The following KALRN variants were observed in gnomAD, a reference collection of about 807,000 sequenced individuals.
The protein encoded by KALRN is kalirin RhoGEF kinase, also known as kalirin.
Under a neutral mutation model 353.7 loss-of-function variants are expected in KALRN, and 70 were observed. That is an observed-to-expected ratio of 0.20 (90% CI 0.16 to 0.24). The LOEUF is 0.24. KALRN is among the 10% of genes least tolerant of loss of function. The pLI is 1.00. For synonymous variants in KALRN, 1,391 were observed against 1,434.8 expected (o/e 0.97, Z 0.69); for missense variants, 2,791 against 3,756.7 (o/e 0.74, Z 6.72).
intron 33 of KALRN, among the ~76,000 whole-genome samples, chr3:124,547,879 A>G (rs2069918230): frequency 6.6e-6 from 1 of 151,870 alleles, no homozygotes; most frequent in Non-Finnish European, 1.5e-5. Flanking sequence ...CTCCATAGCT[A>G]AGAGCTCATT....
At chr3:124,666,966 TA>T (rs774162359) in intron 46 of KALRN, 45 bp from the exon 47 acceptor site, 20 of 1,553,650 alleles carry the variant, frequency 1.3e-5, no homozygotes, top group South Asian at 8.4e-5. Flanking sequence ...TGCTGATTTT[TA>T]AAAAATCTTT....
chr3:124,689,172 A>G (rs2061695993), intron 51 of KALRN, among the ~76,000 whole-genome samples: 1 of 152,148 alleles, frequency 6.6e-6, no homozygotes, highest in Non-Finnish European at 1.5e-5. Flanking sequence ...GAACAATGTC[A>G]TCTTTCCTCC....
chr3:124,516,932 C>G (rs2066654949), intron 33 of KALRN, among the ~76,000 whole-genome samples: 2 of 152,140 alleles, frequency 1.3e-5, no homozygotes, highest in Admixed American at 1.3e-4. Context: ...ATTCTCCTGC[C>G]TCAGCCTCCC....
intron 51 of KALRN, among the ~76,000 whole-genome samples, chr3:124,693,241 C>G (rs1017520121): frequency 4.1e-5 from 6 of 146,710 alleles, no homozygotes; most frequent in Admixed American, 2.1e-4. Context: ...CTCTTATTCC[C>G]CTTCATCCAG....
At chr3:124,568,951 T>A (rs1183388442) in intron 34 of KALRN, among the ~76,000 whole-genome samples, 1 of 152,206 alleles carries the variant, frequency 6.6e-6, no homozygotes, top group Non-Finnish European at 1.5e-5. Context: ...TTAATGCCAC[T>A]GAACTGTACA....
intron 16 of KALRN, 55 bp from the exon 17 acceptor site, chr3:124,434,252 C>A: frequency 7.0e-7 from 1 of 1,426,350 alleles, no homozygotes; most frequent in Non-Finnish European, 9.8e-7. Context: ...CCACCCCCTC[C>A]CATACCACGC....
intron 1 of KALRN, among the ~76,000 whole-genome samples, chr3:124,144,621 TCC>T: frequency 6.6e-6 from 1 of 151,272 alleles, no homozygotes; most frequent in Non-Finnish European, 1.5e-5. Flanking sequence ...TTCCTCATCC[TCC>T]TCCTCTTCCT....
chr3:124,451,868 A>G (rs2058820381), intron 21 of KALRN, among the ~76,000 whole-genome samples: 1 of 152,184 alleles, frequency 6.6e-6, no homozygotes, highest in Non-Finnish European at 1.5e-5. Flanking sequence ...TCTATACCAC[A>G]GCTTCCTTTT....
chr3:124,675,428 G>A (rs1190168245), intron 49 of KALRN: 1 of 151,088 alleles, frequency 6.6e-6, no homozygotes, highest in Non-Finnish European at 1.5e-5. Flanking sequence ...TTTTAATGAA[G>A]TTAAAGACTA....
At position 124,697,669 on chromosome 3, in the gene KALRN, C is replaced by T. The variant is rs745778157; in HGVS notation, c.7776C>T (p.Pro2592=). The T allele has an allele frequency of 6.9e-6, 11 of 1,605,718 alleles. No homozygotes were observed. Among genetic ancestry groups the T allele is most frequent in the South Asian group, 1.1e-5 (1 of 89,306 alleles). ...CCGTGATTCTCCGCTGGCTGCCCCC[C>T]TCCAGCACAGGAAACTGCACTATTT... The part of the protein sequence containing the change: ...CTSVILRWLP[P]SSTGNCTISG... The change falls in exon 55 of 60, where the codon CCC becomes CCT. Residue 2592 remains proline, a synonymous_variant. Transcript: ENST00000682506.
rs1449262529 is a variant in KALRN, at chr3:124,665,181, C to T, written c.6346-1268C>T. Among the ~76,000 whole-genome samples the T allele has an allele frequency of 2.6e-5, 4 of 152,142 alleles. No individual in the cohort carries two copies. The East Asian group carries it at 7.7e-4, about 29-fold the overall frequency. On this transcript the variant is annotated intron_variant, in intron 45 of 59. Transcript: ENST00000682506. Reference sequence around the variant, plus strand: ...CATTTGTGCCAAAGGGTAGAGTTGCCGCCTGAGAAAGAGCACCTGCATTTC... The same window carrying T: ...CATTTGTGCCAAAGGGTAGAGTTGCTGCCTGAGAAAGAGCACCTGCATTTC...
Position 124,126,204 on chromosome 3 carries a change from TA to T in KALRN, c.73+92400del, listed in dbSNP as rs775887226. On this transcript the variant is annotated intron_variant, in intron 1 of 59. Transcript: ENST00000682506. ...AATGATTCTGTTTTTTTTTCTCTAT[TA>T]AAAAAAAATTAATCATGAGTGAAAT... is the stretch of plus-strand genomic sequence containing the variant. 4.5e-3 allele frequency among the ~76,000 whole-genome samples: 683 copies of T among 151,506 alleles called. 2 individuals are homozygous for T. The highest frequency in any genetic ancestry group is 0.015 in the South Asian group (74 of 4,776).
At chr3:124,545,409 A>G (rs1231145468) in intron 33 of KALRN, among the ~76,000 whole-genome samples, 3 of 152,208 alleles carry the variant, frequency 2.0e-5, no homozygotes, top group Admixed American at 6.5e-5. Flanking sequence ...ATTTATTGCT[A>G]TAATTTCAAG....
chr3:124,152,030 A>G (rs896205767), intron 1 of KALRN: 26 of 1,491,816 alleles, frequency 1.7e-5, no homozygotes, highest in African/African-American at 2.8e-5. Flanking sequence ...TACAAAATGG[A>G]TGGTCTTTTT....
chr3:124,045,749 TGGG>T (rs10576725), intron 1 of KALRN, among the ~76,000 whole-genome samples: 7,255 of 143,550 alleles, frequency 0.051, 374 homozygotes, highest in African/African-American at 0.13. Flanking sequence ...AACAGCCTAA[TGGG>T]GGGGGGGGGG....
Position 124,671,775 on chromosome 3 carries a change from C to T in KALRN, c.6819C>T (p.Gly2273=). ...SPRPYSSVPA[G]SEKPPKGSSY... ...GGCCCTACTCCTCTGTTCCTGCGGGCTCAGAGAAGCCCCCAAAGGGCTCCA... is the reference window on the plus strand; with the variant it reads ...GGCCCTACTCCTCTGTTCCTGCGGGTTCAGAGAAGCCCCCAAAGGGCTCCA... The change falls in exon 48 of 60, where the codon GGC becomes GGT. Residue 2273 remains glycine (G), a synonymous_variant. Coordinates refer to ENST00000682506, the MANE Select transcript of KALRN (RefSeq NM_001388419.1). 3.1e-6 allele frequency: 5 copies of T among 1,614,030 alleles called. No homozygotes were observed. The South Asian group carries it at 3.3e-5, about 11-fold the overall frequency.
chr3:124,479,925 G>A (rs1339617078), intron 27 of KALRN, among the ~76,000 whole-genome samples: 5 of 151,888 alleles, frequency 3.3e-5, no homozygotes, highest in East Asian at 1.9e-4. Context: ...GGGTTTCACC[G>A]TGTTAGCCAG....
chr3:124,584,545 T>G (rs2074934851), intron 34 of KALRN: 1 of 1,131,084 alleles, frequency 8.8e-7, no homozygotes, highest in African/African-American at 1.7e-5. Flanking sequence ...CAGGCAGCGT[T>G]ACATGAGGCT....
At chr3:124,219,552 G>A (rs1342504298) in intron 1 of KALRN, among the ~76,000 whole-genome samples, 1 of 152,214 alleles carries the variant, frequency 6.6e-6, no homozygotes, top group Non-Finnish European at 1.5e-5. Flanking sequence ...GAAAAGCTCA[G>A]TATTTAGCAA....
Sources: allele counts gnomAD v4.1 joint callset (sites outside exome capture counted in the v4.1 genomes callset), GRCh38; gene constraint gnomAD v4.1.1; transcripts MANE v1.5; gene names NCBI Gene and HGNC (gene_info 2026-07-23, HGNC 2026-07-21).